CNOT6: variants seen among roughly 807,000 people sequenced by gnomAD.
CNOT6 encodes carbon catabolite repression 4 protein.
Under a neutral mutation model 61.2 loss-of-function variants are expected in CNOT6, and 12 were observed. That is an observed-to-expected ratio of 0.20 (90% CI 0.13 to 0.32). The LOEUF (loss-of-function observed/expected upper bound fraction) is 0.32. CNOT6 is among the 10% of genes least tolerant of loss of function. The pLI, the probability that CNOT6 is intolerant of heterozygous loss-of-function variation, is 1.00. For synonymous variants in CNOT6, 225 were observed against 240.6 expected, an observed-to-expected ratio of 0.94 and a Z score of 0.60; for missense variants, 405 against 663.9, an observed-to-expected ratio of 0.61 and a Z score of 4.28.
chr5:180,550,274 AC>A (rs1412953668), intron 3 of CNOT6, among the ~76,000 whole-genome samples, 157 bp downstream of exon 3: 28 of 152,134 alleles, frequency 1.8e-4, no homozygotes, highest in African/African-American at 6.7e-4. Context: ...ACATGGTGAA[AC>A]CCCATCTCTA....
At chr5:180,552,970 ATCATT>A (rs1759698500) in intron 3 of CNOT6, among the ~76,000 whole-genome samples, 1 of 149,656 alleles carries the variant, frequency 6.7e-6, no homozygotes, top group African/African-American at 2.6e-5. Flanking sequence ...AGGCTGCTTT[ATCATT>A]TCCACTTTCT....
intron 4 of CNOT6, among the ~76,000 whole-genome samples, chr5:180,560,825 C>G (rs577158397): frequency 6.6e-6 from 1 of 152,252 alleles, no homozygotes; most frequent in African/African-American, 2.4e-5. Flanking sequence ...GCCCTGTCCT[C>G]CGTGTCCTCA....
intron 2 of CNOT6, among the ~76,000 whole-genome samples, chr5:180,536,760 C>T (rs192290528): frequency 6.6e-6 from 1 of 152,258 alleles, no homozygotes; most frequent in East Asian, 1.9e-4. Flanking sequence ...ACAGTGCATG[C>T]CACCATGCCC....
At chr5:180,551,220 C>T (rs7715743) in intron 3 of CNOT6, among the ~76,000 whole-genome samples, 6 of 151,276 alleles carry the variant, frequency 4.0e-5, no homozygotes, top group South Asian at 2.1e-4. Flanking sequence ...AGCTGGGCTT[C>T]GTGGCATGCA....
At chr5:180,572,863 C>T (rs1760820936) in intron 11 of CNOT6, among the ~76,000 whole-genome samples, 1 of 152,230 alleles carries the variant, frequency 6.6e-6, no homozygotes, top group Non-Finnish European at 1.5e-5. Flanking sequence ...GCTCAGCTGC[C>T]CTTTTAAACT....
chr5:180,569,413 CATTCCAA>C (rs942168147), intron 10 of CNOT6, 73 bp downstream of exon 10: 1 of 1,209,058 alleles, frequency 8.3e-7, no homozygotes, highest in African/African-American at 1.5e-5. Context: ...TGTTTCTGAT[CATTCCAA>C]ATTAAGTCCA....
intron 3 of CNOT6, 91 bp downstream of exon 3, chr5:180,550,208 G>A (rs527699524): frequency 2.4e-5 from 23 of 972,200 alleles, no homozygotes; most frequent in African/African-American, 1.8e-4. Context: ...TAATTCTAGC[G>A]TTTTGGGAGG....
intron 3 of CNOT6, among the ~76,000 whole-genome samples, chr5:180,550,653 T>A (rs1759550408): frequency 6.6e-6 from 1 of 152,184 alleles, no homozygotes; most frequent in Admixed American, 6.5e-5. Flanking sequence ...TAGACTTTAT[T>A]TTTGAATGAG....
intron 8 of CNOT6, 95 bp downstream of exon 8, chr5:180,567,337 G>T (rs763970788): frequency 7.6e-5 from 81 of 1,065,046 alleles, no homozygotes; most frequent in Non-Finnish European, 1.1e-4. Flanking sequence ...AGAGAATGAG[G>T]CACTATATTA....
rs147469992 is a variant in CNOT6 at position 180,549,012 on chromosome 5, T to C, written c.113-919T>C. Among the ~76,000 whole-genome samples, 48 of 152,344 alleles carry C rather than the reference T, an allele frequency of 3.2e-4. No homozygotes were observed. In the East Asian group the frequency reaches 9.1e-3, roughly 29 times the overall value. On this transcript the variant is annotated intron_variant, in intron 2 of 11. Coordinates refer to ENST00000261951, the MANE Select transcript of CNOT6 (RefSeq NM_001370472.1). ...TATCATTCTGTTCTTAGTCACTGAA[T>C]CTTATGCCTACTACTATTTGATTAT...
chr5:180,520,853 T>A (rs1757851892), intron 1 of CNOT6, among the ~76,000 whole-genome samples: 1 of 151,468 alleles, frequency 6.6e-6, no homozygotes, highest in African/African-American at 2.4e-5. Flanking sequence ...TTATTATTTT[T>A]TTTTTTTTGG....
intron 3 of CNOT6, among the ~76,000 whole-genome samples, chr5:180,551,598 A>G (rs979039577): frequency 2.0e-5 from 3 of 152,174 alleles, no homozygotes; most frequent in Admixed American, 1.3e-4. Flanking sequence ...AACCAAGTTA[A>G]TATAAAGCTA....
chr5:180,537,016 G>A (rs1758729424), intron 2 of CNOT6, among the ~76,000 whole-genome samples: 1 of 152,094 alleles, frequency 6.6e-6, no homozygotes, highest in Admixed American at 6.6e-5. Flanking sequence ...ATATTCCATT[G>A]TCTGGATGTA....
chr5:180,549,924 C>G lies in CNOT6; in HGVS notation c.113-7C>G. 4 of 1,589,642 alleles carry G rather than the reference C, an allele frequency of 2.5e-6. No individual in the cohort carries two copies. Among genetic ancestry groups the G allele is most frequent in the African/African-American group, 1.4e-5 (1 of 73,874 alleles). ...ATAATCCGTTCCTGTATTTTTTTCT[C>G]TTACAGGAAAAGTAAGAAGCTTAAG... On this transcript the variant is annotated splice_polypyrimidine_tract_variant and splice_region_variant and intron_variant, in intron 2 of 11. Transcript: ENST00000261951.
At position 180,554,487 on chromosome 5, in the gene CNOT6, T is replaced by C. The variant is rs116152089; in HGVS notation, c.385+1016T>C. 3.0e-3 allele frequency among the ~76,000 whole-genome samples: 460 copies of C among 151,014 alleles called. 1 individual carries two copies. Among genetic ancestry groups the C allele is most frequent in the African/African-American group, 0.01 (429 of 41,264 alleles). On this transcript the variant is annotated intron_variant, in intron 4 of 11. Coordinates refer to ENST00000261951, the MANE Select transcript of CNOT6 (RefSeq NM_001370472.1). The stretch of plus-strand genomic sequence containing the variant: ...ACAGTTATATAAAAGGTTTTAGTCC[T>C]GTAAATATTTTATATATCATAAAAG...
intron 1 of CNOT6, among the ~76,000 whole-genome samples, chr5:180,514,120 A>G (rs1472170194): frequency 6.6e-6 from 1 of 151,462 alleles, no homozygotes; most frequent in Non-Finnish European, 1.5e-5. Flanking sequence ...GAGCCACACC[A>G]TATGGCTGAA....
chr5:180,522,564 C>G (rs1757925191), intron 1 of CNOT6, among the ~76,000 whole-genome samples: 16 of 152,128 alleles, frequency 1.1e-4, no homozygotes, highest in Admixed American at 1.0e-3. Context: ...AATAGCCATT[C>G]TGACTGGTGT....
chr5:180,532,519 G>T (rs60034484), intron 2 of CNOT6, among the ~76,000 whole-genome samples: 3 of 151,844 alleles, frequency 2.0e-5, no homozygotes, highest in Admixed American at 6.6e-5. Context: ...TTTTTTCTTT[G>T]CTCTCACACC....
At chr5:180,529,530 CTT>C in intron 2 of CNOT6, 142 bp downstream of exon 2, 1 of 638,838 alleles carries the variant, frequency 1.6e-6, no homozygotes, top group East Asian at 2.9e-5. Context: ...ATTTTAGTAA[CTT>C]ATCTTAGAAG....
Sources: gnomAD v4.1 joint callset for allele counts (sites outside exome capture counted in the v4.1 genomes callset) on GRCh38, gnomAD v4.1.1 for gene constraint, MANE v1.5 for transcripts, NCBI Gene and HGNC (gene_info 2026-07-23, HGNC 2026-07-21) for gene names.